Variants in EDA observed in about 807,000 individuals in gnomAD.
EDA encodes the protein ectodysplasin-A.
Under a neutral mutation model 23.6 loss-of-function variants are expected in EDA, and 2 were observed. The observed-to-expected ratio is 0.08, with a 90% confidence interval of 0.03 to 0.27. EDA has a LOEUF of 0.27. EDA is among the 10% of genes least tolerant of loss of function. The pLI, the probability that EDA is intolerant of heterozygous loss-of-function variation, is 1.00. For synonymous variants in EDA, 131 were observed against 132.0 expected (o/e 0.99, Z 0.05); for missense variants, 229 against 324.2 (o/e 0.71, Z 2.26).
chrX:69,976,988 A>G (rs1352602126), intron 2 of EDA, among the ~76,000 whole-genome samples: 1 of 112,343 alleles, frequency 8.9e-6, no homozygotes, highest in Non-Finnish European at 1.9e-5. Context: ...CTTGGAACAG[A>G]CATCAAACAG....
At chrX:69,634,594 C>T (rs1041432651) in intron 1 of EDA, among the ~76,000 whole-genome samples, 1 of 111,476 alleles carries the variant, frequency 9.0e-6, no homozygotes, top group African/African-American at 3.3e-5. Context: ...GCTGGGATTA[C>T]AGACATGAGC....
intron 1 of EDA, among the ~76,000 whole-genome samples, chrX:69,646,374 T>G (rs1932927037): frequency 8.9e-6 from 1 of 112,021 alleles, no homozygotes; most frequent in African/African-American, 3.2e-5. Flanking sequence ...CTGTATTAGT[T>G]GTATGTATAT....
intron 1 of EDA, among the ~76,000 whole-genome samples, chrX:69,717,958 A>G (rs979375499): frequency 9.0e-6 from 1 of 111,608 alleles, no homozygotes; most frequent in African/African-American, 3.3e-5. Context: ...AAAAGTGTGT[A>G]GCATGTCCCC....
At chrX:69,668,663 A>G (rs370213719) in intron 1 of EDA, among the ~76,000 whole-genome samples, 7 of 110,200 alleles carry the variant, frequency 6.4e-5, no homozygotes, top group African/African-American at 2.3e-4. Flanking sequence ...TGCAACCTCC[A>G]CCTCCCAGGT....
intron 1 of EDA, among the ~76,000 whole-genome samples, chrX:69,830,978 A>G (rs755879531): frequency 5.2e-4 from 58 of 111,691 alleles, no homozygotes; most frequent in African/African-American, 1.9e-3. Context: ...TCCTTATTAC[A>G]CATATTAACA....
intron 1 of EDA, among the ~76,000 whole-genome samples, chrX:69,639,774 C>T (rs1044050166): frequency 2.7e-5 from 3 of 111,161 alleles, no homozygotes; most frequent in African/African-American, 9.8e-5. Flanking sequence ...TAATGTAGTC[C>T]AATTTATCTA....
chrX:69,670,797 C>T (rs763931316), intron 1 of EDA, among the ~76,000 whole-genome samples: 1 of 111,384 alleles, frequency 9.0e-6, no homozygotes, highest in South Asian at 3.8e-4. Flanking sequence ...TTGAATTTAT[C>T]ACTCAGATCA....
intron 1 of EDA, among the ~76,000 whole-genome samples, chrX:69,923,628 A>G (rs145579388): frequency 4.6e-4 from 51 of 112,001 alleles, no homozygotes; most frequent in African/African-American, 1.5e-3. Flanking sequence ...AATCAGTAGA[A>G]TGATTTATTT....
intron 1 of EDA, among the ~76,000 whole-genome samples, chrX:69,847,938 G>A (rs1202222368): frequency 9.0e-6 from 1 of 111,637 alleles, no homozygotes; most frequent in Non-Finnish European, 1.9e-5. Flanking sequence ...GAATGGTTGT[G>A]CCATTTTGCA....
chrX:69,790,873 C>T (rs908806727), intron 1 of EDA, among the ~76,000 whole-genome samples: 10 of 108,914 alleles, frequency 9.2e-5, no homozygotes, highest in Non-Finnish European at 1.7e-4. Context: ...TTAACAAATG[C>T]TCTAATTTGT....
At chrX:69,843,938 C>T (rs1449527058) in intron 1 of EDA, among the ~76,000 whole-genome samples, 1 of 102,574 alleles carries the variant, frequency 9.7e-6, no homozygotes, top group African/African-American at 3.6e-5. Context: ...AGGAGAATGG[C>T]GTGCACCCAG....
At chrX:69,987,765 T>C (rs1199680423) in intron 2 of EDA, among the ~76,000 whole-genome samples, 1 of 111,550 alleles carries the variant, frequency 9.0e-6, no homozygotes, top group African/African-American at 3.3e-5. Flanking sequence ...TAAGATTCTA[T>C]TCCATTTCTT....
rs1384466036 is a variant in EDA at position 69,856,254 on chromosome X, G to GGTGGGT, written c.397-100770_397-100769insGGTGTG. On this transcript the variant is annotated intron_variant, in intron 1 of 7. Coordinates refer to ENST00000374552, the MANE Select transcript of EDA (RefSeq NM_001399.5). ...TTTTTATGGCTGAGTAGTATTCCAT[G>GGTGGGT]GTGTGTGTGTGTGTGTGTGTGTGTG... 8.0e-3 allele frequency among the ~76,000 whole-genome samples: 603 copies of GGTGGGT among 74,931 alleles called. 8 individuals carry two copies. Among genetic ancestry groups the GGTGGGT allele is most frequent in the Middle Eastern group, 0.017 (2 of 117 alleles). The allele number at this position is 74,931 out of a possible 115,157, so 65.1% of individuals were successfully genotyped here.
chrX:69,901,660 G>A (rs1228318451), intron 1 of EDA, among the ~76,000 whole-genome samples: 3 of 111,722 alleles, frequency 2.7e-5, no homozygotes, highest in Admixed American at 9.6e-5. Flanking sequence ...TGAGGTAACT[G>A]GGCAAGAAAT....
intron 1 of EDA, among the ~76,000 whole-genome samples, chrX:69,805,238 C>T (rs1431185247): frequency 2.7e-5 from 3 of 111,315 alleles, no homozygotes; most frequent in Non-Finnish European, 5.7e-5. Flanking sequence ...TTTTCTCTGC[C>T]TCTGGAGGGG....
At chrX:69,620,946 G>A (rs1308218611) in intron 1 of EDA, 1 of 370,861 alleles carries the variant, frequency 2.7e-6, no homozygotes, top group Non-Finnish European at 5.3e-6. Flanking sequence ...GCTATGCTTA[G>A]GTGAGTAAAT....
At chrX:69,875,733 G>A (rs1016873656) in intron 1 of EDA, among the ~76,000 whole-genome samples, 4 of 110,569 alleles carry the variant, frequency 3.6e-5, no homozygotes, top group South Asian at 7.9e-4. Flanking sequence ...TACAAACTAT[G>A]CATCTGACAA....
chrX:69,919,352 T>C (rs1254929018), intron 1 of EDA, among the ~76,000 whole-genome samples: 2 of 112,125 alleles, frequency 1.8e-5, no homozygotes, highest in Non-Finnish European at 3.8e-5. Flanking sequence ...AGAATACATA[T>C]TTCAGGGAAA....
intron 1 of EDA, among the ~76,000 whole-genome samples, chrX:69,717,986 G>A (rs1422115020): frequency 2.7e-5 from 3 of 111,546 alleles, no homozygotes; most frequent in Non-Finnish European, 5.6e-5. Flanking sequence ...TCTCTTCCTC[G>A]TGTTCTGGCC....
Sources: allele counts gnomAD v4.1 joint callset (sites outside exome capture counted in the v4.1 genomes callset), GRCh38; gene constraint gnomAD v4.1.1; transcripts MANE v1.5; gene names NCBI Gene and HGNC (gene_info 2026-07-23, HGNC 2026-07-21).